TMC1: variants seen among roughly 807,000 people sequenced by gnomAD.
TMC1 encodes transmembrane channel-like protein 1.
A neutral mutation model predicts 105.8 loss-of-function variants in TMC1; 84 were observed. That is an observed-to-expected ratio of 0.79 (90% CI 0.67 to 0.95). The LOEUF (loss-of-function observed/expected upper bound fraction) is 0.95, where lower values mean the gene tolerates loss of function less well. TMC1 is among the 40% of genes least tolerant of loss of function. The pLI is 0.00. For synonymous variants in TMC1, 315 were observed against 311.5 expected (o/e 1.01, Z -0.12); for missense variants, 817 against 914.1 (o/e 0.89, Z 1.37).
At chr9:72,552,985 T>G (rs1823880646) in intron 1 of TMC1, among the ~76,000 whole-genome samples, 1 of 152,126 alleles carries the variant, frequency 6.6e-6, no homozygotes, top group Admixed American at 6.6e-5. Flanking sequence ...ATATAATTTT[T>G]TTTTTGAGAT....
intron 1 of TMC1, among the ~76,000 whole-genome samples, chr9:72,544,767 A>C (rs1183886900): frequency 6.9e-6 from 1 of 145,378 alleles, no homozygotes; most frequent in African/African-American, 2.6e-5. Context: ...GGCATGAGCC[A>C]GCGCTCCCAG....
intron 1 of TMC1, among the ~76,000 whole-genome samples, chr9:72,523,535 G>A (rs189670785): frequency 6.6e-6 from 1 of 152,190 alleles, no homozygotes; most frequent in Non-Finnish European, 1.5e-5. Flanking sequence ...AAAATTGTAA[G>A]GAAGAAAAAA....
intron 7 of TMC1, among the ~76,000 whole-genome samples, chr9:72,699,136 A>G (rs1826599360): frequency 1.3e-5 from 2 of 152,204 alleles, no homozygotes; most frequent in Admixed American, 1.3e-4. Context: ...CTATTACCAA[A>G]AAGCTGATCT....
intron 2 of TMC1, among the ~76,000 whole-genome samples, chr9:72,591,954 C>A (rs1195403376): frequency 6.6e-6 from 1 of 152,058 alleles, no homozygotes. Flanking sequence ...GACAAATTAC[C>A]TGGAGGCGCT....
rs938193168 is a variant in TMC1, at chr9:72,836,264, T to A, written c.*291T>A. 3 of 467,550 alleles carry A rather than the reference T, an allele frequency of 6.4e-6. No individual in the cohort carries two copies. Among genetic ancestry groups the A allele is most frequent in the African/African-American group, 5.8e-5 (3 of 51,308 alleles). The allele number at this position is 467,550 out of a possible 1,614,324, so 29.0% of individuals were successfully genotyped here. On this transcript the variant is annotated 3_prime_UTR_variant, in exon 24 of 24. Transcript: ENST00000297784. ...AAATTGAGTTTAGAAGTGAGTGTAA[T>A]CCAGCAATACAGTTTACTGGTTTAG...
intron 1 of TMC1, among the ~76,000 whole-genome samples, chr9:72,555,697 T>C (rs1823918536): frequency 6.6e-6 from 1 of 151,520 alleles, no homozygotes; most frequent in Non-Finnish European, 1.5e-5. Context: ...CTTGGCTCAC[T>C]GCAACCTCTG....
At chr9:72,571,139 A>G (rs1265779154) in intron 1 of TMC1, among the ~76,000 whole-genome samples, 3 of 150,950 alleles carry the variant, frequency 2.0e-5, no homozygotes, top group Non-Finnish European at 4.4e-5. Flanking sequence ...CCTGGCCAAC[A>G]TGGTGAAATC....
chr9:72,572,655 G>A (rs1043064572), intron 1 of TMC1, among the ~76,000 whole-genome samples: 1 of 152,044 alleles, frequency 6.6e-6, no homozygotes, highest in African/African-American at 2.4e-5. Flanking sequence ...ACACTTTCTT[G>A]ATTCCTTTCA....
At chr9:72,594,947 G>A (rs7025003) in intron 2 of TMC1, among the ~76,000 whole-genome samples, 63,391 of 150,984 alleles carry the variant, frequency 0.42, 14,399 homozygotes, top group African/African-American at 0.6. Flanking sequence ...CTCACTGCAA[G>A]CTCCGCCTCC....
At chr9:72,642,675 T>G (rs2132145181) in intron 4 of TMC1, among the ~76,000 whole-genome samples, 1 of 152,340 alleles carries the variant, frequency 6.6e-6, no homozygotes, top group Non-Finnish European at 1.5e-5. Context: ...AGACTCAATA[T>G]AGGCAGAGAA....
intron 5 of TMC1, among the ~76,000 whole-genome samples, chr9:72,662,191 C>CT (rs71359511): frequency 0.26 from 36,307 of 141,442 alleles, 4,918 homozygotes; most frequent in East Asian, 0.4. Context: ...TTTTCTTTTT[C>CT]TTTTTTTTTT....
At chr9:72,825,833 A>G (rs1330290) in intron 20 of TMC1, among the ~76,000 whole-genome samples, 27,144 of 151,948 alleles carry the variant, frequency 0.18, 2,627 homozygotes, top group African/African-American at 0.23. Flanking sequence ...TGAAAATTAG[A>G]GTGTAGATCT....
intron 17 of TMC1, among the ~76,000 whole-genome samples, chr9:72,793,901 G>A (rs1351502125): frequency 6.6e-6 from 1 of 152,078 alleles, no homozygotes; most frequent in African/African-American, 2.4e-5. Flanking sequence ...TAACTCCCTG[G>A]ACAGGATCCC....
At chr9:72,639,067 T>TA (rs950914603) in intron 4 of TMC1, among the ~76,000 whole-genome samples, 3 of 152,174 alleles carry the variant, frequency 2.0e-5, no homozygotes, top group South Asian at 4.1e-4. Context: ...TTGTTTTTTT[T>TA]AAAAAACGTA....
chr9:72,557,728 C>T (rs1323500028), intron 1 of TMC1, among the ~76,000 whole-genome samples: 2 of 152,184 alleles, frequency 1.3e-5, no homozygotes, highest in Admixed American at 1.3e-4. Context: ...TGGGATGCTG[C>T]AGGAGATCTT....
At chr9:72,568,690 A>G (rs576414277) in intron 1 of TMC1, among the ~76,000 whole-genome samples, 2 of 152,324 alleles carry the variant, frequency 1.3e-5, no homozygotes, top group African/African-American at 2.4e-5. Flanking sequence ...TACAATGTCA[A>G]TTAGCTCAGT....
intron 2 of TMC1, among the ~76,000 whole-genome samples, chr9:72,589,987 C>A (rs1824610342): frequency 6.6e-6 from 1 of 152,308 alleles, no homozygotes; most frequent in East Asian, 1.9e-4. Context: ...GGAGAAGCAG[C>A]TTCTTAGCTT....
At position 72,562,736 on chromosome 9, in the gene TMC1, G is replaced by A. The variant is rs574486574; in HGVS notation, c.-427-15166G>A. On this transcript the variant is annotated intron_variant, in intron 1 of 23. Transcript: ENST00000297784. ...GTTTCCAAGTAAGAAAAATCATAGCGAAATGGTATAATTGGTATAATAACA... is the reference window on the plus strand; with the variant it reads ...GTTTCCAAGTAAGAAAAATCATAGCAAAATGGTATAATTGGTATAATAACA... Among the ~76,000 whole-genome samples the A allele has an allele frequency of 3.7e-4, 56 of 152,096 alleles. No individual in the cohort carries two copies. The Middle Eastern group carries it at 0.01, about 28-fold the overall frequency.
At chr9:72,665,694 C>T (rs942290388) in intron 5 of TMC1, among the ~76,000 whole-genome samples, 5 of 152,146 alleles carry the variant, frequency 3.3e-5, no homozygotes, top group Admixed American at 6.5e-5. Flanking sequence ...TCTGGCATCA[C>T]GATACCTTAG....
Sources: gnomAD v4.1 joint callset for allele counts (sites outside exome capture counted in the v4.1 genomes callset) on GRCh38, gnomAD v4.1.1 for gene constraint, MANE v1.5 for transcripts, NCBI Gene and HGNC (gene_info 2026-07-23, HGNC 2026-07-21) for gene names.